ARHGEF9: variants seen among roughly 807,000 people sequenced by gnomAD.
ARHGEF9 encodes the protein rho guanine nucleotide exchange factor 9.
In ARHGEF9, 2 loss-of-function variants were observed where a neutral mutation model predicts 41.3. The ratio of observed to expected loss-of-function variants is 0.05; its 90% CI spans 0.02 to 0.15. The LOEUF is 0.15. Ranked by LOEUF, ARHGEF9 falls within the 10% of genes least tolerant of loss-of-function variation. The pLI is 1.00. For missense variants in ARHGEF9, 225 were observed against 424.7 expected (o/e 0.53, Z 4.13); for synonymous variants, 160 against 154.4 (o/e 1.04, Z -0.27).
chrX:63,638,313 GT>G, intron 9 of ARHGEF9, 104 bp from the exon 10 acceptor site: 1 of 733,202 alleles, frequency 1.4e-6, no homozygotes, highest in Non-Finnish European at 2.1e-6. Context: ...AGGCAGACTG[GT>G]TTAGAGAGTG....
At chrX:63,720,538 T>C (rs1412798908) in intron 2 of ARHGEF9, among the ~76,000 whole-genome samples, 2 of 112,216 alleles carry the variant, frequency 1.8e-5, no homozygotes, top group African/African-American at 6.5e-5. Flanking sequence ...AAAAAATAAT[T>C]TGGCAGAAAA....
At chrX:63,713,428 C>T (rs1219832137) in intron 2 of ARHGEF9, among the ~76,000 whole-genome samples, 1 of 109,697 alleles carries the variant, frequency 9.1e-6, no homozygotes, top group African/African-American at 3.3e-5. Context: ...CCAAGGCAGC[C>T]CTTTCCTTTT....
At chrX:63,765,975 A>G (rs1461456702) in intron 1 of ARHGEF9, among the ~76,000 whole-genome samples, 3 of 112,365 alleles carry the variant, frequency 2.7e-5, no homozygotes, top group Non-Finnish European at 3.8e-5. Flanking sequence ...TGTGAGGGAA[A>G]TGCAGCAGGA....
intron 8 of ARHGEF9, among the ~76,000 whole-genome samples, chrX:63,647,598 A>G (rs2048203097): frequency 9.0e-6 from 1 of 111,492 alleles, no homozygotes; most frequent in Non-Finnish European, 1.9e-5. Flanking sequence ...ATCATGGTGG[A>G]TAAGCTTTTT....
intron 1 of ARHGEF9, among the ~76,000 whole-genome samples, chrX:63,770,065 GCAAA>G (rs2056178501): frequency 8.9e-6 from 1 of 111,834 alleles, no homozygotes; most frequent in Non-Finnish European, 1.9e-5. Context: ...TAAAAAAGCT[GCAAA>G]CACTCAATGC....
intron 9 of ARHGEF9, 43 bp from the exon 10 acceptor site, chrX:63,638,252 T>C (rs2047419525): frequency 1.8e-6 from 2 of 1,109,302 alleles, no homozygotes; most frequent in African/African-American, 3.7e-5. Flanking sequence ...ATAAGTTATG[T>C]AACAAAGGGC....
intron 7 of ARHGEF9, among the ~76,000 whole-genome samples, chrX:63,661,362 C>T (rs2049204942): frequency 9.0e-6 from 1 of 111,568 alleles, no homozygotes; most frequent in Non-Finnish European, 1.9e-5. Context: ...ACACAAGGGA[C>T]AACAGAACAT....
chrX:63,759,087 GA>G (rs1385740297), intron 1 of ARHGEF9, among the ~76,000 whole-genome samples: 1 of 111,219 alleles, frequency 9.0e-6, no homozygotes, highest in Non-Finnish European at 1.9e-5. Context: ...ACAGAGAAGG[GA>G]AGCAACTTGT....
chrX:63,701,253 C>G (rs1288327666), intron 3 of ARHGEF9, among the ~76,000 whole-genome samples: 2 of 110,794 alleles, frequency 1.8e-5, no homozygotes, highest in Admixed American at 9.6e-5. Context: ...GGGAAGGGCC[C>G]TCACAAAAAG....
At position 63,638,094 on chromosome X, in the gene ARHGEF9, G is replaced by A. The variant is rs782129771; in HGVS notation, c.1506C>T (p.Thr502=). The part of the protein sequence containing the change: ...GIAQSQVFEF[T]EPKRSQSPFW... The stretch of plus-strand genomic sequence containing the variant: ...ATGGTGACTGGCTGCGCTTGGGTTC[G>A]GTGAACTCAAAGACCTGCGACTGAG... The change falls in exon 10 of 10, where the codon ACC becomes ACT. Residue 502 remains threonine (T), a synonymous_variant. Transcript: ENST00000671741. The A allele has an allele frequency of 1.7e-6, 2 of 1,210,160 alleles. No homozygotes were observed. The highest frequency in any genetic ancestry group is 3.0e-5 in the East Asian group (1 of 33,793).
At chrX:63,763,949 C>A (rs1426067113) in intron 1 of ARHGEF9, among the ~76,000 whole-genome samples, 3 of 111,499 alleles carry the variant, frequency 2.7e-5, no homozygotes, top group African/African-American at 9.8e-5. Flanking sequence ...TAATACCTGT[C>A]AAAGAGATGA....
chrX:63,655,702 G>A lies in ARHGEF9; in HGVS notation c.1113C>T (p.Gly371=), dbSNP rs56375542. The A allele has an allele frequency of 8.4e-5, 101 of 1,208,177 alleles. No homozygotes were observed. In the African/African-American group the frequency reaches 1.6e-3, roughly 19 times the overall value. ...CCTCATATTTATCCATGTCAATGCG[G>A]CCTTTGTAGTACAGGATGTCTCTCC... ...LIRRDILYYK[G]RIDMDKYEVV... Residue 371 remains glycine (G), a synonymous_variant, in exon 8 of 10, where the codon GGC becomes GGT. Transcript: ENST00000671741.
chrX:63,778,989 C>T (rs2056338626), intron 1 of ARHGEF9, among the ~76,000 whole-genome samples: 1 of 111,941 alleles, frequency 8.9e-6, no homozygotes, highest in Non-Finnish European at 1.9e-5. Flanking sequence ...ACTTTATCCC[C>T]ATTTTATGTA....
intron 7 of ARHGEF9, among the ~76,000 whole-genome samples, chrX:63,661,097 AAAGTT>A (rs1330796123): frequency 8.9e-6 from 1 of 112,220 alleles, no homozygotes; most frequent in Admixed American, 9.5e-5. Flanking sequence ...GAGACAGAGT[AAAGTT>A]AAGTACTCAG....
At chrX:63,728,749 A>T (rs372154255) in intron 1 of ARHGEF9, among the ~76,000 whole-genome samples, 95 of 111,948 alleles carry the variant, frequency 8.5e-4, no homozygotes, top group African/African-American at 2.9e-3. Flanking sequence ...CTAGTACAAG[A>T]CTTCAGAGAA....
At chrX:63,680,869 C>G (rs2050581020) in intron 4 of ARHGEF9, among the ~76,000 whole-genome samples, 1 of 109,167 alleles carries the variant, frequency 9.2e-6, no homozygotes, top group Non-Finnish European at 1.9e-5. Context: ...AACAAACAAA[C>G]AACAACAACA....
intron 8 of ARHGEF9, among the ~76,000 whole-genome samples, chrX:63,649,657 T>G (rs1399384014): frequency 9.0e-6 from 1 of 111,401 alleles, no homozygotes; most frequent in African/African-American, 3.3e-5. Flanking sequence ...AGGAGCTGGT[T>G]TTTTGAAAAG....
rs2147110954 is a variant in ARHGEF9, at chrX:63,637,406, A to T, written c.*622T>A. 3.4e-6 allele frequency: 1 copy of T among 293,868 alleles called. No individual in the cohort carries two copies. The highest frequency in any genetic ancestry group is 2.7e-5 in the African/African-American group (1 of 36,863). 24.2% of individuals were successfully genotyped at this position (293,868 alleles called of 1,213,427 possible). ...GCATGACTGAGGACAGAGGATGCTG[A>T]AAAAAGGTTATTTGGGGCAACTGCA... On this transcript the variant is annotated 3_prime_UTR_variant, in exon 10 of 10. Transcript: ENST00000671741.
At chrX:63,712,635 T>C (rs1425683291) in intron 2 of ARHGEF9, among the ~76,000 whole-genome samples, 1 of 111,759 alleles carries the variant, frequency 8.9e-6, no homozygotes, top group African/African-American at 3.2e-5. Context: ...TAGACAATGG[T>C]GATGGTTATA....
Sources: allele counts gnomAD v4.1 joint callset (sites outside exome capture counted in the v4.1 genomes callset), GRCh38; gene constraint gnomAD v4.1.1; transcripts MANE v1.5; gene names NCBI Gene and HGNC (gene_info 2026-07-23, HGNC 2026-07-21).